The following ELAVL2 variants were observed in gnomAD, a reference collection of about 807,000 sequenced individuals.
ELAVL2 encodes ELAV like RNA binding protein 2.
A neutral mutation model predicts 34.6 loss-of-function variants in ELAVL2; 4 were observed. The ratio of observed to expected loss-of-function variants is 0.12; its 90% confidence interval spans 0.06 to 0.26. ELAVL2 has a LOEUF of 0.26. Ranked by LOEUF, ELAVL2 falls within the 10% of genes least tolerant of loss-of-function variation. The pLI, the probability that ELAVL2 is intolerant of heterozygous loss-of-function variation, is 1.00. For synonymous variants in ELAVL2, 193 were observed against 154.8 expected (o/e 1.25, Z -1.83); for missense variants, 432 against 442.8 (o/e 0.98, Z 0.22).
chr9:23,773,979 A>G (rs2057754213), intron 1 of ELAVL2, among the ~76,000 whole-genome samples: 1 of 152,008 alleles, frequency 6.6e-6, no homozygotes, highest in Non-Finnish European at 1.5e-5. Context: ...TGGGAGGCCG[A>G]GGCGGGCAGA....
At position 23,769,158 on chromosome 9, in the gene ELAVL2, C is replaced by G. The variant is rs1875825; in HGVS notation, c.-15-6909G>C. ...CCCTAAATGCCAAGTTACAGATGAA[C>G]AGAAGACATTTGTCTCTAAAGTTTT... is the stretch of plus-strand genomic sequence containing the variant. On this transcript the variant is annotated intron_variant, in intron 1 of 6. Coordinates refer to ENST00000397312, the MANE Select transcript of ELAVL2 (RefSeq NM_004432.5). 2.6e-3 allele frequency among the ~76,000 whole-genome samples: 392 copies of G among 152,256 alleles called. 1 individual carries two copies. Among genetic ancestry groups the G allele is most frequent in the African/African-American group, 8.1e-3 (338 of 41,550 alleles).
chr9:23,753,350 A>T (rs773200858), intron 2 of ELAVL2, among the ~76,000 whole-genome samples: 1 of 152,150 alleles, frequency 6.6e-6, no homozygotes, highest in African/African-American at 2.4e-5. Flanking sequence ...TATTCTGTTC[A>T]GGAATATTTG....
At chr9:23,850,270 A>T in the ELAVL2 span, among the ~76,000 whole-genome samples, 1 of 126,388 alleles carries the variant, frequency 7.9e-6, no homozygotes, top group Non-Finnish European at 1.6e-5. Flanking sequence ...CGATTACCCG[A>T]GTGACTGCAC....
intron 1 of ELAVL2, among the ~76,000 whole-genome samples, chr9:23,816,293 A>G (rs1436178421): frequency 4.1e-5 from 6 of 145,882 alleles, no homozygotes; most frequent in East Asian, 4.2e-4. Context: ...ATTAGTCAAG[A>G]AAGTGTGTAC....
At chr9:23,755,834 C>A (rs2053423681) in intron 2 of ELAVL2, among the ~76,000 whole-genome samples, 1 of 152,136 alleles carries the variant, frequency 6.6e-6, no homozygotes, top group Non-Finnish European at 1.5e-5. Context: ...AACCACCCTG[C>A]TGTTTCCAAC....
At chr9:23,704,485 G>A (rs112535117) in intron 4 of ELAVL2, among the ~76,000 whole-genome samples, 1,979 of 152,166 alleles carry the variant, frequency 0.013, 43 homozygotes, top group African/African-American at 0.046. Context: ...CTGGAAAACA[G>A]CCTGAACAGC....
intron 3 of ELAVL2, among the ~76,000 whole-genome samples, chr9:23,708,557 A>T (rs2040042450): frequency 6.6e-6 from 1 of 152,238 alleles, no homozygotes; most frequent in South Asian, 2.1e-4. Context: ...AAATTAAATG[A>T]ATCCTGGCTG....
At chr9:23,758,080 C>T (rs912491678) in intron 2 of ELAVL2, among the ~76,000 whole-genome samples, 2 of 151,998 alleles carry the variant, frequency 1.3e-5, no homozygotes, top group African/African-American at 2.4e-5. Context: ...CCTACAAAAT[C>T]GGAATACAGA....
chr9:23,722,780 C>A (rs1375329238), intron 3 of ELAVL2, among the ~76,000 whole-genome samples: 1 of 152,188 alleles, frequency 6.6e-6, no homozygotes, highest in Admixed American at 6.6e-5. Flanking sequence ...TATTTGCCTA[C>A]CAGAGACTAC....
intron 3 of ELAVL2, among the ~76,000 whole-genome samples, chr9:23,712,300 T>C (rs1363539695): frequency 1.3e-5 from 2 of 152,092 alleles, no homozygotes; most frequent in Non-Finnish European, 2.9e-5. Context: ...GTCTTCAAAA[T>C]CATAAAATCT....
chr9:23,734,622 G>A (rs1292937147), intron 2 of ELAVL2, among the ~76,000 whole-genome samples: 1 of 152,054 alleles, frequency 6.6e-6, no homozygotes, highest in Admixed American at 6.6e-5. Flanking sequence ...CACTTTTACC[G>A]CAAAAGTTGT....
At chr9:23,791,274 C>A (rs527330115) in intron 1 of ELAVL2, among the ~76,000 whole-genome samples, 18 of 152,048 alleles carry the variant, frequency 1.2e-4, no homozygotes, top group Non-Finnish European at 1.8e-4. Context: ...CTTGACCAAT[C>A]GTAAAGATGA....
chr9:23,806,158 T>C (rs1672199902), intron 1 of ELAVL2, among the ~76,000 whole-genome samples: 1 of 152,238 alleles, frequency 6.6e-6, no homozygotes, highest in Non-Finnish European at 1.5e-5. Flanking sequence ...ATGTTTGCTA[T>C]AGTTTAAATA....
At chr9:23,767,903 C>T (rs930814971) in intron 1 of ELAVL2, among the ~76,000 whole-genome samples, 18 of 152,112 alleles carry the variant, frequency 1.2e-4, no homozygotes, top group African/African-American at 4.1e-4. Context: ...CAGACTTCTG[C>T]GGGTTAAAGT....
chr9:23,783,039 C>G lies in ELAVL2; in HGVS notation c.-15-20790G>C, dbSNP rs187941759. On this transcript the variant is annotated intron_variant, in intron 1 of 6. Transcript: ENST00000397312. ...GATATCCCAAGATACTAACTGGTAACTATTTGGCTAGAGTGAGAGCCCACT... is the reference window on the plus strand; with the variant it reads ...GATATCCCAAGATACTAACTGGTAAGTATTTGGCTAGAGTGAGAGCCCACT... 7.9e-5 allele frequency among the ~76,000 whole-genome samples: 12 copies of G among 152,318 alleles called. No homozygotes were observed. In the East Asian group the frequency reaches 2.1e-3, roughly 27 times the overall value.
intron 4 of ELAVL2, among the ~76,000 whole-genome samples, chr9:23,702,649 A>T (rs2037689795): frequency 6.6e-6 from 1 of 152,108 alleles, no homozygotes. Flanking sequence ...TCAATGACTA[A>T]GAATTTTCTA....
chr9:23,818,629 CA>C (rs1229075617), intron 1 of ELAVL2, among the ~76,000 whole-genome samples: 1 of 152,138 alleles, frequency 6.6e-6, no homozygotes, highest in Non-Finnish European at 1.5e-5. Flanking sequence ...AAAATGTCAA[CA>C]AAAAAGTAAC....
intron 1 of ELAVL2, among the ~76,000 whole-genome samples, chr9:23,804,473 T>TA (rs1484656166): frequency 6.6e-6 from 1 of 152,216 alleles, no homozygotes; most frequent in Non-Finnish European, 1.5e-5. Context: ...ACATACTCTT[T>TA]ATTTACAGAT....
intron 4 of ELAVL2, among the ~76,000 whole-genome samples, 166 bp from the exon 5 acceptor site, chr9:23,701,770 C>T (rs549208072): frequency 1.2e-4 from 19 of 152,270 alleles, no homozygotes; most frequent in Middle Eastern, 6.8e-3. Context: ...TACTTACTAG[C>T]CATTCAGTTT....
Sources: allele counts gnomAD v4.1 joint callset (sites outside exome capture counted in the v4.1 genomes callset), GRCh38; gene constraint gnomAD v4.1.1; transcripts MANE v1.5; gene names NCBI Gene and HGNC (gene_info 2026-07-23, HGNC 2026-07-21).